Variants in NFIA observed in about 807,000 individuals in gnomAD.
NFIA encodes the protein nuclear factor 1 A-type.
A neutral mutation model predicts 62.8 loss-of-function variants in NFIA; 8 were observed. The observed-to-expected ratio is 0.13, with a 90% confidence interval of 0.07 to 0.23. NFIA has a LOEUF of 0.23. Among genes scored for constraint, NFIA ranks in the 10% least tolerant of loss-of-function variants. The probability of loss-of-function intolerance (pLI) is 1.00; values close to 1 mark genes in which losing one functional copy is unlikely to be tolerated. For synonymous variants in NFIA, 235 were observed against 238.1 expected, an observed-to-expected ratio of 0.99 and a Z score of 0.12; for missense variants, 410 against 642.1, an observed-to-expected ratio of 0.64 and a Z score of 3.91.
chr1:61,456,804 AACAAAAAAC>A lies in NFIA; in HGVS notation c.*1486_*1494del, dbSNP rs1668325293. ...ACGTCCTGTATCTTATGAAAAAAAA[AACAAAAAAC>A]AAAAACAAAAAAAAAACACAAAAAA... On this transcript the variant is annotated 3_prime_UTR_variant, in exon 11 of 11. Coordinates refer to ENST00000403491, the MANE Select transcript of NFIA (RefSeq NM_001134673.4). The A allele has an allele frequency of 7.9e-6, 1 of 127,050 alleles. No individual in the cohort carries two copies. Among genetic ancestry groups the A allele is most frequent in the Non-Finnish European group, 1.7e-5 (1 of 57,880 alleles). 7.9% of individuals were successfully genotyped at this position (127,050 alleles called of 1,614,324 possible).
At chr1:61,306,266 G>GTTTTTTTTTTTTTTT (rs1557695597) in intron 3 of NFIA, among the ~76,000 whole-genome samples, 1 of 45,378 alleles carries the variant, frequency 2.2e-5, no homozygotes. Context: ...CCCAGATTTT[G>GTTTTTTTTTTTTTTT]TTCTTTTTTT....
intron 2 of NFIA, among the ~76,000 whole-genome samples, chr1:61,106,713 T>C (rs1269029817): frequency 1.3e-5 from 2 of 151,628 alleles, no homozygotes; most frequent in Non-Finnish European, 3.0e-5. Context: ...TTATAACACA[T>C]AGTATGAACT....
chr1:61,389,155 G>A (rs139142267), intron 7 of NFIA, among the ~76,000 whole-genome samples: 3 of 152,256 alleles, frequency 2.0e-5, no homozygotes, highest in East Asian at 3.9e-4. Flanking sequence ...GGCTGATAGG[G>A]TGGCACTTGC....
At chr1:61,418,181 C>T (rs1004630862) in intron 9 of NFIA, among the ~76,000 whole-genome samples, 4 of 152,006 alleles carry the variant, frequency 2.6e-5, no homozygotes, top group Admixed American at 6.6e-5. Flanking sequence ...ATCCATAATC[C>T]GGCTGGGTGT....
In NFIA at chr1:61,459,966, T is replaced by C. The variant is rs988115339; in HGVS notation, c.*4646T>C. On this transcript the variant is annotated 3_prime_UTR_variant, in exon 11 of 11. Transcript: ENST00000403491. ...GCTTCTGTTTTCTTTCTTGTCTTCA[T>C]TCTTTCTTTTCTTTTTTATTTCTGG... 1 of 152,212 alleles carries C rather than the reference T, an allele frequency of 6.6e-6. No individual in the cohort carries two copies. The highest frequency in any genetic ancestry group is 2.4e-5 in the African/African-American group (1 of 41,418). 9.4% of individuals were successfully genotyped at this position (152,212 alleles called of 1,614,324 possible).
intron 2 of NFIA, among the ~76,000 whole-genome samples, chr1:61,103,398 T>G (rs1646545009): frequency 6.6e-6 from 1 of 152,214 alleles, no homozygotes; most frequent in Non-Finnish European, 1.5e-5. Flanking sequence ...CCCCCCAAGG[T>G]TAGGCTAAGG....
intron 3 of NFIA, among the ~76,000 whole-genome samples, chr1:61,313,433 G>T (rs998619725): frequency 1.3e-5 from 2 of 152,032 alleles, no homozygotes; most frequent in African/African-American, 4.8e-5. Flanking sequence ...AGGGGTTGGG[G>T]AGGTGACACA....
At chr1:61,439,503 G>A (rs998010836) in intron 10 of NFIA, 1 of 152,188 alleles carries the variant, frequency 6.6e-6, no homozygotes, top group Non-Finnish European at 1.5e-5. Context: ...CACTCCGATG[G>A]TGTGGACCTG....
At chr1:61,234,781 CTGAG>C (rs751808175) in intron 2 of NFIA, among the ~76,000 whole-genome samples, 2 of 152,176 alleles carry the variant, frequency 1.3e-5, no homozygotes, top group Non-Finnish European at 2.9e-5. Context: ...CTCAAGAAGA[CTGAG>C]TATGTATTTT....
intron 5 of NFIA, among the ~76,000 whole-genome samples, chr1:61,356,023 C>G (rs1662934346): frequency 6.6e-6 from 1 of 152,144 alleles, no homozygotes; most frequent in Non-Finnish European, 1.5e-5. Flanking sequence ...GAAATCAAAA[C>G]CTTTAAAAAC....
intron 6 of NFIA, among the ~76,000 whole-genome samples, chr1:61,379,412 T>C (rs1184176534): frequency 2.1e-5 from 3 of 143,904 alleles, no homozygotes; most frequent in Admixed American, 6.9e-5. Flanking sequence ...CTTTTTTTTT[T>C]TTTTTTTTTT....
chr1:61,274,110 C>G (rs1312798221), intron 2 of NFIA, among the ~76,000 whole-genome samples: 1 of 152,154 alleles, frequency 6.6e-6, no homozygotes, highest in Non-Finnish European at 1.5e-5. Flanking sequence ...TTATTTTATT[C>G]CTTTCCCTAG....
chr1:61,399,999 A>G (rs935753252), intron 7 of NFIA, among the ~76,000 whole-genome samples: 4 of 152,166 alleles, frequency 2.6e-5, no homozygotes, highest in South Asian at 2.1e-4. Flanking sequence ...TATTTTTTCA[A>G]TTGTTTGAAT....
At chr1:61,272,754 A>G (rs1299350166) in intron 2 of NFIA, among the ~76,000 whole-genome samples, 1 of 152,054 alleles carries the variant, frequency 6.6e-6, no homozygotes, top group Non-Finnish European at 1.5e-5. Flanking sequence ...CTCTTCATTT[A>G]TTTGCAGGAA....
At chr1:61,405,899 A>G (rs927022201) in intron 8 of NFIA, among the ~76,000 whole-genome samples, 1 of 152,242 alleles carries the variant, frequency 6.6e-6, no homozygotes, top group Non-Finnish European at 1.5e-5. Flanking sequence ...TATAATTTAA[A>G]TCAAAATTAG....
intron 4 of NFIA, among the ~76,000 whole-genome samples, chr1:61,349,832 A>G (rs1011897444): frequency 7.9e-5 from 12 of 152,198 alleles, no homozygotes; most frequent in African/African-American, 2.2e-4. Context: ...GTCTCAAGCA[A>G]TCCTCCCACC....
chr1:61,107,600 A>G (rs74086441), intron 2 of NFIA, among the ~76,000 whole-genome samples: 10,755 of 151,616 alleles, frequency 0.071, 909 homozygotes, highest in East Asian at 0.36. Flanking sequence ...GTTTGCCAAT[A>G]TATTTTCGTA....
chr1:61,308,780 T>G (rs2100344245), intron 3 of NFIA, among the ~76,000 whole-genome samples: 1 of 152,370 alleles, frequency 6.6e-6, no homozygotes, highest in African/African-American at 2.4e-5. Flanking sequence ...ATAGTAAGTC[T>G]TCAATAAATG....
intron 2 of NFIA, among the ~76,000 whole-genome samples, chr1:61,259,461 T>C (rs556045108): frequency 2.2e-4 from 33 of 152,334 alleles, no homozygotes; most frequent in Admixed American, 1.6e-3. Context: ...CAAGGGCTTA[T>C]AACTTGTTGG....
Sources: gnomAD v4.1 joint callset for allele counts (sites outside exome capture counted in the v4.1 genomes callset) on GRCh38, gnomAD v4.1.1 for gene constraint, MANE v1.5 for transcripts, NCBI Gene and HGNC (gene_info 2026-07-23, HGNC 2026-07-21) for gene names.